LRRC4C: variants seen among roughly 807,000 people sequenced by gnomAD.
LRRC4C encodes the protein leucine-rich repeat-containing protein 4C.
A neutral mutation model predicts 33.6 loss-of-function variants in LRRC4C; 5 were observed. That is an observed-to-expected ratio of 0.15 (90% CI 0.08 to 0.31). LRRC4C has a LOEUF of 0.31. Ranked by LOEUF, LRRC4C falls within the 10% of genes least tolerant of loss-of-function variation. The pLI, the probability that LRRC4C is intolerant of heterozygous loss-of-function variation, is 1.00. For missense variants in LRRC4C, 560 were observed against 796.7 expected, an observed-to-expected ratio of 0.70 and a Z score of 3.58; for synonymous variants, 329 against 302.0, an observed-to-expected ratio of 1.09 and a Z score of -0.93.
At chr11:40,234,187 T>C (rs1379828800) in intron 5 of LRRC4C, among the ~76,000 whole-genome samples, 1 of 152,252 alleles carries the variant, frequency 6.6e-6, no homozygotes, top group Non-Finnish European at 1.5e-5. Context: ...CCAAAGTTTT[T>C]TTTGTCAGCT....
chr11:40,729,116 A>G (rs1947433784), intron 2 of LRRC4C, among the ~76,000 whole-genome samples: 2 of 152,278 alleles, frequency 1.3e-5, no homozygotes, highest in East Asian at 3.9e-4. Context: ...CTGCACATGT[A>G]CCCCCATATC....
At chr11:40,294,665 A>G (rs545705955) in intron 4 of LRRC4C, among the ~76,000 whole-genome samples, 2 of 151,788 alleles carry the variant, frequency 1.3e-5, no homozygotes, top group African/African-American at 2.4e-5. Context: ...CGTCCCTACT[A>G]AAAATACAAA....
chr11:40,492,967 A>C (rs910808384), intron 3 of LRRC4C, among the ~76,000 whole-genome samples: 6 of 151,960 alleles, frequency 3.9e-5, no homozygotes, highest in Non-Finnish European at 5.9e-5. Context: ...CATCTTTTCT[A>C]CCTGTTATAA....
chr11:40,538,010 T>C (rs1956547529), intron 3 of LRRC4C, among the ~76,000 whole-genome samples: 1 of 152,160 alleles, frequency 6.6e-6, no homozygotes. Context: ...CCCCAGTGAC[T>C]TGCAGCTTAT....
chr11:40,950,022 A>G (rs572882540), intron 1 of LRRC4C, among the ~76,000 whole-genome samples: 1 of 151,724 alleles, frequency 6.6e-6, no homozygotes, highest in South Asian at 2.1e-4. Flanking sequence ...TCACCTCTCA[A>G]TTTTTTTTCA....
intron 1 of LRRC4C, among the ~76,000 whole-genome samples, chr11:41,336,555 T>C (rs1339801994): frequency 2.0e-5 from 3 of 152,248 alleles, no homozygotes; most frequent in South Asian, 2.1e-4. Flanking sequence ...TTTTGCATTG[T>C]TTGGGGATTT....
chr11:41,245,042 G>T (rs1302103312), intron 1 of LRRC4C, among the ~76,000 whole-genome samples: 1 of 152,152 alleles, frequency 6.6e-6, no homozygotes, highest in South Asian at 2.1e-4. Context: ...CCTAATCAGT[G>T]CATCCTCTCC....
rs568152608 is a variant in LRRC4C, at chr11:40,402,291, A to C, written c.-269-82570T>G. On this transcript the variant is annotated intron_variant, in intron 3 of 6. Transcript: ENST00000528697. Reference sequence around the variant, plus strand: ...TTCCCTGGTTGCTTGAAAAGTATTTATTCCAGATATTTTAATCAGTTCGTG... The same window carrying C: ...TTCCCTGGTTGCTTGAAAAGTATTTCTTCCAGATATTTTAATCAGTTCGTG... Among the ~76,000 whole-genome samples the C allele has an allele frequency of 3.9e-5, 6 of 152,236 alleles. 1 individual carries two copies. Among genetic ancestry groups the C allele is most frequent in the African/African-American group, 1.4e-4 (6 of 41,568 alleles).
chr11:40,734,038 A>G (rs1334819586), intron 2 of LRRC4C, among the ~76,000 whole-genome samples: 1 of 152,198 alleles, frequency 6.6e-6, no homozygotes, highest in Non-Finnish European at 1.5e-5. Context: ...TTATTAGAAC[A>G]GCAATTATGA....
chr11:41,055,490 A>T (rs1858552329), intron 1 of LRRC4C, among the ~76,000 whole-genome samples: 2 of 152,156 alleles, frequency 1.3e-5, no homozygotes, highest in Admixed American at 6.5e-5. Flanking sequence ...ATCTTAACCA[A>T]CTCATGGAAT....
intron 1 of LRRC4C, among the ~76,000 whole-genome samples, chr11:40,946,972 A>C (rs1315466238): frequency 1.3e-5 from 2 of 152,164 alleles, no homozygotes; most frequent in African/African-American, 4.8e-5. Context: ...GATCCCTAAA[A>C]CTACACAATT....
At chr11:40,940,889 G>A (rs188769232) in intron 1 of LRRC4C, among the ~76,000 whole-genome samples, 26 of 150,232 alleles carry the variant, frequency 1.7e-4, no homozygotes, top group African/African-American at 5.1e-4. Context: ...TGGGGATCAT[G>A]GCCTGAAGAG....
At chr11:41,359,637 A>T (rs556238160) in intron 1 of LRRC4C, among the ~76,000 whole-genome samples, 15 of 152,368 alleles carry the variant, frequency 9.8e-5, no homozygotes, top group Admixed American at 2.6e-4. Flanking sequence ...ATGAGGAAAC[A>T]GGAAATATTA....
chr11:40,853,865 A>G (rs528710394), intron 2 of LRRC4C, among the ~76,000 whole-genome samples: 78 of 152,210 alleles, frequency 5.1e-4, no homozygotes, highest in Non-Finnish European at 6.6e-4. Context: ...TGATAGATGG[A>G]TAGAAAAAAG....
chr11:40,286,183 A>G (rs986680543), intron 4 of LRRC4C, among the ~76,000 whole-genome samples: 1 of 152,154 alleles, frequency 6.6e-6, no homozygotes, highest in African/African-American at 2.4e-5. Flanking sequence ...TATGTATGAC[A>G]AAGTTTAATT....
At chr11:40,679,413 A>G (rs920837376) in intron 2 of LRRC4C, among the ~76,000 whole-genome samples, 1 of 152,204 alleles carries the variant, frequency 6.6e-6, no homozygotes, top group African/African-American at 2.4e-5. Flanking sequence ...GTTAATCACC[A>G]AGACAATTGA....
chr11:41,054,658 C>CT (rs1858486457), intron 1 of LRRC4C, among the ~76,000 whole-genome samples: 1 of 152,122 alleles, frequency 6.6e-6, no homozygotes, highest in African/African-American at 2.4e-5. Flanking sequence ...TGGAAAGCAA[C>CT]TTATCTTTTG....
intron 1 of LRRC4C, among the ~76,000 whole-genome samples, chr11:41,058,037 A>G (rs2169485): frequency 0.18 from 27,881 of 152,108 alleles, 2,791 homozygotes; most frequent in East Asian, 0.33. Flanking sequence ...CTTCCTTTTC[A>G]CAGGACAAGA....
rs980653425 is a variant in LRRC4C at position 40,328,481 on chromosome 11, G to A, written c.-269-8760C>T. On this transcript the variant is annotated intron_variant, in intron 3 of 6. Coordinates refer to ENST00000528697, the MANE Select transcript of LRRC4C (RefSeq NM_001258419.2). ...TTTTCATATTTGCCTTTAGCTGTTG[G>A]AGACAACTAAAGTTGTTGACAAGTT... Among the ~76,000 whole-genome samples, 29 of 152,224 alleles carry A rather than the reference G, an allele frequency of 1.9e-4. No homozygotes were observed. In the South Asian group the frequency reaches 2.3e-3, roughly 12 times the overall value.
Sources: gnomAD v4.1 joint callset for allele counts (sites outside exome capture counted in the v4.1 genomes callset) on GRCh38, gnomAD v4.1.1 for gene constraint, MANE v1.5 for transcripts, NCBI Gene and HGNC (gene_info 2026-07-23, HGNC 2026-07-21) for gene names.